RBFOX1: variants seen among roughly 807,000 people sequenced by gnomAD.
RBFOX1 encodes RNA binding fox-1 homolog 1.
In RBFOX1, 8 loss-of-function variants were observed where a neutral mutation model predicts 57.7. That is an observed-to-expected ratio of 0.14 (90% CI 0.08 to 0.25). RBFOX1 has a LOEUF of 0.25. Ranked by LOEUF, RBFOX1 falls within the 10% of genes least tolerant of loss-of-function variation. The probability of loss-of-function intolerance (pLI) is 1.00; values close to 1 mark genes in which losing one functional copy is unlikely to be tolerated. For missense variants in RBFOX1, 611 were observed against 548.5 expected (o/e 1.11, Z -1.14); for synonymous variants, 326 against 222.4 (o/e 1.47, Z -4.15).
At chr16:5,998,412 T>C (rs1478037329) in intron 4 of RBFOX1, among the ~76,000 whole-genome samples, 1 of 152,228 alleles carries the variant, frequency 6.6e-6, no homozygotes, top group Admixed American at 6.5e-5. Flanking sequence ...AATCAGTAGT[T>C]TAAATCAGAT....
At chr16:6,224,686 G>C (rs2097402722) in intron 1 of RBFOX1, among the ~76,000 whole-genome samples, 1 of 152,256 alleles carries the variant, frequency 6.6e-6, no homozygotes, top group Admixed American at 6.5e-5. Flanking sequence ...TGTGTGTGAA[G>C]ATGACAGAAG....
chr16:6,363,454 C>T (rs372257941), intron 2 of RBFOX1, among the ~76,000 whole-genome samples: 4 of 152,298 alleles, frequency 2.6e-5, no homozygotes, highest in East Asian at 1.9e-4. Context: ...AGACTGATCT[C>T]GAGATGTTCT....
intron 3 of RBFOX1, among the ~76,000 whole-genome samples, chr16:6,713,517 C>T (rs1049884975): frequency 6.6e-6 from 1 of 152,002 alleles, no homozygotes; most frequent in Non-Finnish European, 1.5e-5. Context: ...TGGCCTCTAC[C>T]CACTAGATGC....
rs17669891 is a variant in RBFOX1, at chr16:7,146,613, T to C, written c.27+94515T>C. Among the ~76,000 whole-genome samples, 1,195 of 152,244 alleles carry C rather than the reference T, an allele frequency of 7.8e-3. 40 individuals are homozygous for C. Among genetic ancestry groups the C allele is most frequent in the East Asian group, 0.068 (349 of 5,134 alleles). On this transcript the variant is annotated intron_variant, in intron 4 of 15. Transcript: ENST00000550418. Reference sequence around the variant, plus strand: ...AATAAGCTTATGATACCCAGCATATTCTTCAGCACTCCAGAAACTCAGAAC... The same window carrying C: ...AATAAGCTTATGATACCCAGCATATCCTTCAGCACTCCAGAAACTCAGAAC...
chr16:5,950,592 T>C (rs2059499631), intron 4 of RBFOX1, among the ~76,000 whole-genome samples: 1 of 152,216 alleles, frequency 6.6e-6, no homozygotes, highest in African/African-American at 2.4e-5. Context: ...CTATTCTTCT[T>C]TTTGATGCTC....
At chr16:7,211,957 C>T (rs1213086229) in intron 4 of RBFOX1, among the ~76,000 whole-genome samples, 1 of 152,128 alleles carries the variant, frequency 6.6e-6, no homozygotes, top group Non-Finnish European at 1.5e-5. Flanking sequence ...CACCCCTACT[C>T]CCTCCTACCC....
At chr16:7,208,200 T>C (rs908500598) in intron 4 of RBFOX1, among the ~76,000 whole-genome samples, 2 of 152,188 alleles carry the variant, frequency 1.3e-5, no homozygotes, top group Admixed American at 1.3e-4. Flanking sequence ...TAGCCAATTA[T>C]GTCACCATCT....
In RBFOX1 at chr16:6,924,040, C is replaced by T. The variant is rs549894145; in HGVS notation, c.-15-128017C>T. On this transcript the variant is annotated intron_variant, in intron 3 of 15. Transcript: ENST00000550418. ...CAAACATTAGTCAGGTATGGTGGTA[C>T]GTACCTGTAGTCCCAGCTTCTCGGG... 4.0e-4 allele frequency among the ~76,000 whole-genome samples: 60 copies of T among 151,836 alleles called. 1 individual carries two copies. In the South Asian group the frequency reaches 6.3e-3, roughly 16 times the overall value.
chr16:5,453,401 A>T (rs183067240), intron 1 of RBFOX1, among the ~76,000 whole-genome samples: 20 of 152,270 alleles, frequency 1.3e-4, no homozygotes, highest in African/African-American at 4.3e-4. Flanking sequence ...TTAGATTCAT[A>T]AGAATACCAT....
intron 3 of RBFOX1, among the ~76,000 whole-genome samples, chr16:6,866,614 T>TGGTG (rs1567627860): frequency 8.8e-5 from 12 of 135,606 alleles, no homozygotes; most frequent in Non-Finnish European, 1.5e-4. Context: ...CGATCTCGGC[T>TGGTG]CACTGCAAGC....
chr16:5,942,277 C>G (rs914714246), intron 4 of RBFOX1, among the ~76,000 whole-genome samples: 4 of 151,950 alleles, frequency 2.6e-5, no homozygotes, highest in Non-Finnish European at 5.9e-5. Context: ...TGGCAGGGGA[C>G]TAGGAAATGG....
intron 4 of RBFOX1, among the ~76,000 whole-genome samples, chr16:7,364,850 A>G (rs1205060450): frequency 6.6e-6 from 1 of 152,212 alleles, no homozygotes; most frequent in Non-Finnish European, 1.5e-5. Flanking sequence ...CTGCTTACTA[A>G]CAAGGAAGAG....
At chr16:7,642,184 G>A (rs2079753) in intron 11 of RBFOX1, among the ~76,000 whole-genome samples, 44,984 of 151,966 alleles carry the variant, frequency 0.3, 8,262 homozygotes, top group African/African-American at 0.52. Flanking sequence ...ACCACTCCTG[G>A]ATGGTAGTTC....
intron 4 of RBFOX1, among the ~76,000 whole-genome samples, chr16:7,441,947 A>G (rs796414018): frequency 3.9e-5 from 6 of 152,332 alleles, no homozygotes; most frequent in East Asian, 3.9e-4. Context: ...TTGCATCTGC[A>G]TTGGGGCTGC....
intron 1 of RBFOX1, among the ~76,000 whole-genome samples, chr16:5,369,498 T>C (rs560912938): frequency 1.3e-5 from 2 of 152,202 alleles, no homozygotes; most frequent in Non-Finnish European, 2.9e-5. Context: ...CATCACCTCA[T>C]TTAATGCTGA....
chr16:7,246,859 T>G (rs976240371), intron 4 of RBFOX1, among the ~76,000 whole-genome samples: 1 of 152,068 alleles, frequency 6.6e-6, no homozygotes, highest in African/African-American at 2.4e-5. Flanking sequence ...AGAGTCAAAG[T>G]TGAACTCCAG....
intron 3 of RBFOX1, among the ~76,000 whole-genome samples, chr16:5,756,259 C>G (rs187874208): frequency 6.8e-6 from 1 of 147,894 alleles, no homozygotes; most frequent in Non-Finnish European, 1.5e-5. Flanking sequence ...CCCTGCACCA[C>G]CTCCTGCAGT....
At chr16:6,492,333 G>C (rs2095651545) in intron 2 of RBFOX1, among the ~76,000 whole-genome samples, 1 of 152,154 alleles carries the variant, frequency 6.6e-6, no homozygotes, top group Admixed American at 6.5e-5. Flanking sequence ...ACTTTGGGAG[G>C]CCAAGGAAGG....
intron 1 of RBFOX1, among the ~76,000 whole-genome samples, chr16:6,057,600 G>C (rs1359287692): frequency 6.6e-6 from 1 of 152,106 alleles, no homozygotes; most frequent in African/African-American, 2.4e-5. Context: ...CAAAGACACT[G>C]AGCCAAGAAT....
Sources: gnomAD v4.1 joint callset for allele counts (sites outside exome capture counted in the v4.1 genomes callset) on GRCh38, gnomAD v4.1.1 for gene constraint, MANE v1.5 for transcripts, NCBI Gene and HGNC (gene_info 2026-07-23, HGNC 2026-07-21) for gene names.